The following GALNT10 variants were observed in gnomAD, a reference collection of about 807,000 sequenced individuals.
GALNT10 encodes polypeptide N-acetylgalactosaminyltransferase 10, also known as GalNAc transferase 10.
A neutral mutation model predicts 75.0 loss-of-function variants in GALNT10; 41 were observed. That is an observed-to-expected ratio of 0.55 (90% confidence interval 0.43 to 0.71). The LOEUF is 0.71. GALNT10 is among the 30% of genes least tolerant of loss of function. The probability of loss-of-function intolerance (pLI) is 0.00; values close to 1 mark genes in which losing one functional copy is unlikely to be tolerated. For synonymous variants in GALNT10, 302 were observed against 313.0 expected (o/e 0.96, Z 0.37); for missense variants, 727 against 818.5 (o/e 0.89, Z 1.36).
At chr5:154,278,919 T>G (rs1427614173) in intron 1 of GALNT10, among the ~76,000 whole-genome samples, 1 of 152,240 alleles carries the variant, frequency 6.6e-6, no homozygotes, top group Non-Finnish European at 1.5e-5. Flanking sequence ...TTTATATATA[T>G]GTCACATCTT....
At chr5:154,280,462 A>G (rs1421558073) in intron 1 of GALNT10, among the ~76,000 whole-genome samples, 1 of 152,206 alleles carries the variant, frequency 6.6e-6, no homozygotes, top group Non-Finnish European at 1.5e-5. Flanking sequence ...TGGATATGCT[A>G]ATTACCCTAA....
intron 3 of GALNT10, among the ~76,000 whole-genome samples, chr5:154,309,828 A>C (rs1754486788): frequency 6.6e-6 from 1 of 152,234 alleles, no homozygotes; most frequent in African/African-American, 2.4e-5. Flanking sequence ...AGGCAGTTGA[A>C]TAAATGATCT....
chr5:154,367,472 G>A (rs1306296991), intron 4 of GALNT10, among the ~76,000 whole-genome samples: 1 of 152,170 alleles, frequency 6.6e-6, no homozygotes, highest in Non-Finnish European at 1.5e-5. Context: ...TCAGAGACAG[G>A]AGGAGGGATG....
rs188882842 is a variant in GALNT10, at chr5:154,301,737, C to G, written c.401+3658C>G. ...ACTATATTTCAGTCTAATTGGTTTT[C>G]TTTAAAATCTGGTACATTTTATGTA... On this transcript the variant is annotated intron_variant, in intron 3 of 11. Transcript: ENST00000297107. Among the ~76,000 whole-genome samples the G allele has an allele frequency of 2.1e-3, 314 of 152,248 alleles. 2 individuals carry two copies. The South Asian group carries it at 0.025, about 12-fold the overall frequency.
Position 154,330,029 on chromosome 5 carries a change from ATC to A in GALNT10, c.568+293_568+294del, listed in dbSNP as rs1386153515. ...AACAAGTGTAAGGATTCATTCACTT[ATC>A]TGTCTCTATCTATTTATTAAATATT... is the stretch of plus-strand genomic sequence containing the variant. On this transcript the variant is annotated intron_variant, in intron 4 of 11. Coordinates refer to ENST00000297107, the MANE Select transcript of GALNT10 (RefSeq NM_198321.4). The A allele has an allele frequency of 2.1e-5, 5 of 235,900 alleles. No individual in the cohort carries two copies. The Admixed American group carries it at 2.6e-4, about 12-fold the overall frequency. The allele number at this position is 235,900 out of a possible 1,614,324, so 14.6% of individuals were successfully genotyped here. A position where few individuals can be genotyped will look rare whatever the true frequency, so the allele number is the denominator to read the frequency against.
At chr5:154,195,805 C>A (rs1407048834) in intron 1 of GALNT10, among the ~76,000 whole-genome samples, 1 of 152,196 alleles carries the variant, frequency 6.6e-6, no homozygotes, top group African/African-American at 2.4e-5. Flanking sequence ...GATTATCACC[C>A]CAAATTTTGG....
chr5:154,294,837 A>G lies in GALNT10; in HGVS notation c.181A>G (p.Lys61Glu). ...AGQGSHSRQK[K>E]TFFLGDGQKL... ...TAAGGGCTCACACAGTCGACAAAAGAAAACGTTTTTCTTGGGAGATGGGCA... is the reference window on the plus strand; with the variant it reads ...TAAGGGCTCACACAGTCGACAAAAGGAAACGTTTTTCTTGGGAGATGGGCA... Residue 61 changes from lysine (K) to glutamate (E), a missense_variant, in exon 2 of 12, where the codon AAA becomes GAA. Lys to Glu is a moderately conservative substitution (Grantham distance 56, BLOSUM62 1). Transcript: ENST00000297107. The G allele has an allele frequency of 6.3e-7, 1 of 1,599,814 alleles. No homozygotes were observed. Among genetic ancestry groups the G allele is most frequent in the Non-Finnish European group, 8.6e-7 (1 of 1,167,012 alleles).
At position 154,419,439 on chromosome 5, in the gene GALNT10, C is replaced by T. The variant is rs951603530; in HGVS notation, c.*2467C>T. On this transcript the variant is annotated 3_prime_UTR_variant, in exon 12 of 12. Coordinates refer to ENST00000297107, the MANE Select transcript of GALNT10 (RefSeq NM_198321.4). ...GTGCCGAGCACTAGCTAGACTTCCA[C>T]ATAGTCCCACCCCAAGTGGGCGGCA... 1.3e-5 allele frequency: 2 copies of T among 152,228 alleles called. No individual in the cohort carries two copies. Among genetic ancestry groups the T allele is most frequent in the Non-Finnish European group, 2.9e-5 (2 of 68,074 alleles). The allele number at this position is 152,228 out of a possible 1,614,324, so 9.4% of individuals were successfully genotyped here.
intron 1 of GALNT10, among the ~76,000 whole-genome samples, chr5:154,254,087 C>G (rs1753570738): frequency 6.6e-6 from 1 of 152,180 alleles, no homozygotes; most frequent in Non-Finnish European, 1.5e-5. Flanking sequence ...GTTATGCTCT[C>G]AGGACCAGCA....
intron 1 of GALNT10, among the ~76,000 whole-genome samples, chr5:154,233,613 C>A (rs1245077361): frequency 6.6e-6 from 1 of 152,168 alleles, no homozygotes; most frequent in East Asian, 1.9e-4. Flanking sequence ...TTCTTCAGAG[C>A]ACCCCCCACC....
intron 7 of GALNT10, among the ~76,000 whole-genome samples, chr5:154,397,166 T>TA (rs1270355070): frequency 1.3e-5 from 2 of 148,502 alleles, no homozygotes; most frequent in African/African-American, 2.5e-5. Context: ...GAAGTAAATT[T>TA]AAAACTAAAG....
Position 154,309,074 on chromosome 5 carries a change from A to C in GALNT10, c.401+10995A>C, listed in dbSNP as rs535622610. Among the ~76,000 whole-genome samples, 5 of 152,362 alleles carry C rather than the reference A, an allele frequency of 3.3e-5. 1 individual carries two copies. In the South Asian group the frequency reaches 1.0e-3, roughly 32 times the overall value. On this transcript the variant is annotated intron_variant, in intron 3 of 11. Coordinates refer to ENST00000297107, the MANE Select transcript of GALNT10 (RefSeq NM_198321.4). ...AGATTAACAGGATAAAGGGTAGAAA[A>C]AATAATAAGAATGGGGTAGATTTTA...
intron 6 of GALNT10, among the ~76,000 whole-genome samples, chr5:154,383,028 G>C (rs371942649): frequency 6.6e-6 from 1 of 152,242 alleles, no homozygotes; most frequent in African/African-American, 2.4e-5. Context: ...TTACACTGGA[G>C]TCTGGGGGTG....
chr5:154,412,628 C>G lies in GALNT10; in HGVS notation c.1387-261C>G. On this transcript the variant is annotated intron_variant, in intron 9 of 11. Transcript: ENST00000297107. The surrounding 1 kb of genome is among the most constrained non-coding windows in gnomAD (Gnocchi z 4.2). Reference sequence around the variant, plus strand: ...GTCCTTTACCAACTCCTCACCTCCACTCCCCCACCACCAACCCAGGACTCT... The same window carrying G: ...GTCCTTTACCAACTCCTCACCTCCAGTCCCCCACCACCAACCCAGGACTCT... 1 of 373,988 alleles carries G rather than the reference C, an allele frequency of 2.7e-6. No individual in the cohort carries two copies. Among genetic ancestry groups the G allele is most frequent in the South Asian group, 2.5e-5 (1 of 40,224 alleles). 23.2% of individuals were successfully genotyped at this position (373,988 alleles called of 1,614,324 possible). A position where few individuals can be genotyped will look rare whatever the true frequency, so the allele number is the denominator to read the frequency against.
chr5:154,232,745 G>A (rs1012151593), intron 1 of GALNT10, among the ~76,000 whole-genome samples: 2 of 152,166 alleles, frequency 1.3e-5, no homozygotes, highest in Admixed American at 6.5e-5. Context: ...TGTGGCAGGA[G>A]CATCGTGACA....
chr5:154,386,293 A>G lies in GALNT10; in HGVS notation c.939-20A>G, dbSNP rs1036476132. 4.4e-6 allele frequency: 7 copies of G among 1,576,794 alleles called. No homozygotes were observed. The highest frequency in any genetic ancestry group is 1.3e-5 in the African/African-American group (1 of 74,306). On this transcript the variant is annotated intron_variant, in intron 6 of 11. Coordinates refer to ENST00000297107, the MANE Select transcript of GALNT10 (RefSeq NM_198321.4). The stretch of plus-strand genomic sequence containing the variant: ...GCCAGGACATCTGCACCTTCACACC[A>G]TGTTCTTCTTCTCTGACAGGTCTCC...
Position 154,263,465 on chromosome 5 carries a change from A to C in GALNT10, c.160-31351A>C, listed in dbSNP as rs554526252. Among the ~76,000 whole-genome samples, 4 of 152,312 alleles carry C rather than the reference A, an allele frequency of 2.6e-5. 1 individual carries two copies. In the South Asian group the frequency reaches 8.3e-4, roughly 32 times the overall value. On this transcript the variant is annotated intron_variant, in intron 1 of 11. Transcript: ENST00000297107. Reference sequence around the variant, plus strand: ...AATAGGCAAATCCCTGGAGATGGAAAGTAGATTTATGGTTTCTAAGGGCTC... The same window carrying C: ...AATAGGCAAATCCCTGGAGATGGAACGTAGATTTATGGTTTCTAAGGGCTC...
At chr5:154,279,947 C>T (rs1057223530) in intron 1 of GALNT10, among the ~76,000 whole-genome samples, 2 of 152,118 alleles carry the variant, frequency 1.3e-5, no homozygotes, top group Non-Finnish European at 1.5e-5. Context: ...AAAAGGAAAT[C>T]AGCCTGTCAA....
chr5:154,418,133 G>A lies in GALNT10; in HGVS notation c.*1161G>A, dbSNP rs1756553027. Reference sequence around the variant, plus strand: ...GCCAGCCAGGTGTAATACAGTCAAGGCAGCCCCCAGCCTAGAGACAATCTG... The same window carrying A: ...GCCAGCCAGGTGTAATACAGTCAAGACAGCCCCCAGCCTAGAGACAATCTG... On this transcript the variant is annotated 3_prime_UTR_variant, in exon 12 of 12. Transcript: ENST00000297107. 1 of 152,242 alleles carries A rather than the reference G, an allele frequency of 6.6e-6. No individual in the cohort carries two copies. The highest frequency in any genetic ancestry group is 1.5e-5 in the Non-Finnish European group (1 of 68,048). 9.4% of individuals were successfully genotyped at this position (152,242 alleles called of 1,614,324 possible). A position where few individuals can be genotyped will look rare whatever the true frequency, so the allele number is the denominator to read the frequency against.
Sources: allele counts gnomAD v4.1 joint callset (sites outside exome capture counted in the v4.1 genomes callset), GRCh38; gene constraint gnomAD v4.1.1; non-coding constraint Gnocchi (gnomAD v3.1); transcripts MANE v1.5; gene names NCBI Gene and HGNC (gene_info 2026-07-23, HGNC 2026-07-21).